The following SAMTOR variants were observed in gnomAD, a reference collection of about 807,000 sequenced individuals.
SAMTOR encodes the protein UPF0532 protein C7orf60.
chr7:112,895,241 TTA>T, the SAMTOR span, among the ~76,000 whole-genome samples: 22 of 151,206 alleles, frequency 1.5e-4, no homozygotes, highest in South Asian at 2.1e-4. Flanking sequence ...TATATAACAA[TTA>T]TATGTTATAT....
the SAMTOR span, among the ~76,000 whole-genome samples, chr7:112,913,936 T>C: frequency 6.6e-6 from 1 of 152,220 alleles, no homozygotes; most frequent in African/African-American, 2.4e-5. Context: ...TTAACCAACA[T>C]ATTGTTTCCG....
chr7:112,910,104 T>C, the SAMTOR span, among the ~76,000 whole-genome samples: 1 of 151,822 alleles, frequency 6.6e-6, no homozygotes, highest in Non-Finnish European at 1.5e-5. Context: ...AACACAGAAG[T>C]AAACTTTGAC....
At chr7:112,830,000 C>G in the SAMTOR span, among the ~76,000 whole-genome samples, 1 of 152,028 alleles carries the variant, frequency 6.6e-6, no homozygotes, top group African/African-American at 2.4e-5. Flanking sequence ...TTTTGCAGGC[C>G]TCTGGAGTTT....
the SAMTOR span, among the ~76,000 whole-genome samples, chr7:112,881,583 T>A: frequency 3.9e-5 from 6 of 152,156 alleles, no homozygotes; most frequent in African/African-American, 1.2e-4. Context: ...TGGGATGACA[T>A]GCCTGCAAAT....
the SAMTOR span, among the ~76,000 whole-genome samples, chr7:112,902,460 A>C: frequency 7.1e-4 from 101 of 141,848 alleles, 2 homozygotes; most frequent in South Asian, 5.1e-3. Flanking sequence ...AAAAAAAAAA[A>C]CCAAAAAAGT....
At chr7:112,824,869 T>C in the SAMTOR span, among the ~76,000 whole-genome samples, 1 of 152,230 alleles carries the variant, frequency 6.6e-6, no homozygotes, top group East Asian at 1.9e-4. Context: ...TTGAATACTG[T>C]AGCTTTATAA....
At chr7:112,855,899 G>T in the SAMTOR span, among the ~76,000 whole-genome samples, 1 of 150,868 alleles carries the variant, frequency 6.6e-6, no homozygotes, top group Non-Finnish European at 1.5e-5. Context: ...CACCATGCTT[G>T]GGGGAGATTA....
At chr7:112,858,139 T>C in the SAMTOR span, among the ~76,000 whole-genome samples, 1 of 152,194 alleles carries the variant, frequency 6.6e-6, no homozygotes, top group Non-Finnish European at 1.5e-5. Flanking sequence ...TGGATGTGGC[T>C]AACTTGTGTG....
At chr7:112,837,965 G>A in the SAMTOR span, among the ~76,000 whole-genome samples, 1 of 151,900 alleles carries the variant, frequency 6.6e-6, no homozygotes, top group Non-Finnish European at 1.5e-5. Flanking sequence ...ATTTTTCTTC[G>A]TTAAGGCACA....
the SAMTOR span, among the ~76,000 whole-genome samples, chr7:112,868,324 T>C: frequency 6.6e-6 from 1 of 151,894 alleles, no homozygotes; most frequent in Admixed American, 6.6e-5. Context: ...AGAAGGAAAA[T>C]GGGAATTCAC....
chr7:112,908,019 G>A, the SAMTOR span, among the ~76,000 whole-genome samples: 1 of 151,942 alleles, frequency 6.6e-6, no homozygotes, highest in Non-Finnish European at 1.5e-5. Context: ...AATACAAAAT[G>A]CACACACACA....
At chr7:112,889,820 T>G in the SAMTOR span, among the ~76,000 whole-genome samples, 1 of 152,152 alleles carries the variant, frequency 6.6e-6, no homozygotes, top group East Asian at 1.9e-4. Flanking sequence ...CCCCAACCCC[T>G]GCTTAGCTAG....
chr7:112,934,321 T>C, the SAMTOR span, among the ~76,000 whole-genome samples: 1 of 152,202 alleles, frequency 6.6e-6, no homozygotes, highest in South Asian at 2.1e-4. Context: ...TTCCAAATCC[T>C]AAACTTCCAA....
At chr7:112,909,098 C>T in the SAMTOR span, among the ~76,000 whole-genome samples, 2 of 152,312 alleles carry the variant, frequency 1.3e-5, no homozygotes, top group Admixed American at 6.5e-5. Flanking sequence ...CTAGAAAAGA[C>T]ATGAATATTA....
At chr7:112,862,923 CA>C in the SAMTOR span, among the ~76,000 whole-genome samples, 114 of 137,486 alleles carry the variant, frequency 8.3e-4, no homozygotes, top group Middle Eastern at 3.6e-3. Flanking sequence ...CGTGAGACTC[CA>C]AAAAAAAAAA....
the SAMTOR span, among the ~76,000 whole-genome samples, chr7:112,838,650 TA>T: frequency 2.6e-5 from 4 of 151,808 alleles, no homozygotes; most frequent in Non-Finnish European, 5.9e-5. Flanking sequence ...TGAATCTAGT[TA>T]AATGTCAAAT....
chr7:112,924,179 AACTT>A, the SAMTOR span, among the ~76,000 whole-genome samples: 2 of 152,080 alleles, frequency 1.3e-5, no homozygotes, highest in Admixed American at 1.3e-4. Context: ...TGTACCCTAA[AACTT>A]AAAGTATAAT....
the SAMTOR span, among the ~76,000 whole-genome samples, chr7:112,928,201 G>A: frequency 6.6e-6 from 1 of 152,000 alleles, no homozygotes; most frequent in African/African-American, 2.4e-5. Flanking sequence ...ACATCCAGAA[G>A]CGCAGCTCTA....
At chr7:112,824,354 TG>T in the SAMTOR span, among the ~76,000 whole-genome samples, 1 of 151,892 alleles carries the variant, frequency 6.6e-6, no homozygotes, top group Non-Finnish European at 1.5e-5. Flanking sequence ...GAGTTTTTTT[TG>T]TTTGTTTGTT....
Sources: gnomAD v4.1 joint callset for allele counts (sites outside exome capture counted in the v4.1 genomes callset) on GRCh38, gnomAD v4.1.1 for gene constraint, MANE v1.5 for transcripts, NCBI Gene and HGNC (gene_info 2026-07-23, HGNC 2026-07-21) for gene names.